CERS6: variants seen among roughly 807,000 people sequenced by gnomAD.
CERS6 encodes ceramide synthase 6.
CERS6 carries 26 observed loss-of-function variants against 56.8 expected under a neutral mutation model. That is an observed-to-expected ratio of 0.46 (90% CI 0.34 to 0.63). The LOEUF is 0.63. CERS6 is among the 30% of genes least tolerant of loss of function. The pLI is 0.01. For synonymous variants in CERS6, 164 were observed against 173.3 expected (o/e 0.95, Z 0.42); for missense variants, 415 against 467.5 (o/e 0.89, Z 1.04).
chr2:168,582,591 C>T (rs561029115), intron 3 of CERS6, among the ~76,000 whole-genome samples: 82 of 152,114 alleles, frequency 5.4e-4, no homozygotes, highest in Admixed American at 9.8e-4. Flanking sequence ...AAAACGCGTG[C>T]TATGCAAACA....
chr2:168,716,919 C>T lies in CERS6; in HGVS notation c.739-953C>T, dbSNP rs1204432070. ...GTCAACAATCTTTTCAAATCTGACT[C>T]AGTTAATTTAAGTTTCCAAGAAGTA... On this transcript the variant is annotated intron_variant, in intron 7 of 9. Coordinates refer to ENST00000305747, the MANE Select transcript of CERS6 (RefSeq NM_203463.3). 5.3e-5 allele frequency among the ~76,000 whole-genome samples: 8 copies of T among 152,170 alleles called. No homozygotes were observed. In the East Asian group the frequency reaches 1.5e-3, roughly 29 times the overall value.
At chr2:168,495,322 G>A (rs1694446390) in intron 1 of CERS6, among the ~76,000 whole-genome samples, 1 of 152,188 alleles carries the variant, frequency 6.6e-6, no homozygotes, top group Non-Finnish European at 1.5e-5. Flanking sequence ...TCAGTCAAAA[G>A]TAAAGTGTTT....
chr2:168,553,637 A>G (rs1695616935), intron 2 of CERS6, among the ~76,000 whole-genome samples: 1 of 152,254 alleles, frequency 6.6e-6, no homozygotes, highest in African/African-American at 2.4e-5. Context: ...ATCTTTGAAC[A>G]TGAAAAAATT....
rs374167480 is a variant in CERS6, at chr2:168,750,708, C to T, written c.846-14884C>T. ...CTATTATAAATAATATTGAAATAAA[C>T]ATCTTCATGGACAAATTTCCTCACG... On this transcript the variant is annotated intron_variant, in intron 8 of 9. Transcript: ENST00000305747. Among the ~76,000 whole-genome samples the T allele has an allele frequency of 1.1e-4, 16 of 152,254 alleles. 1 individual carries two copies. The highest frequency in any genetic ancestry group is 4.6e-4 in the Admixed American group (7 of 15,296).
At chr2:168,602,671 T>A (rs926038855) in intron 3 of CERS6, among the ~76,000 whole-genome samples, 1 of 152,236 alleles carries the variant, frequency 6.6e-6, no homozygotes, top group Non-Finnish European at 1.5e-5. Flanking sequence ...CTTGAATTCA[T>A]TAACCTCATG....
intron 2 of CERS6, among the ~76,000 whole-genome samples, chr2:168,557,469 T>C (rs1695705334): frequency 2.0e-5 from 3 of 152,256 alleles, no homozygotes; most frequent in South Asian, 4.1e-4. Flanking sequence ...GTATAAAGAT[T>C]TCTGAGAAAA....
Position 168,738,979 on chromosome 2 carries a change from G to A in CERS6, c.845+21001G>A, listed in dbSNP as rs143763571. 5.1e-3 allele frequency among the ~76,000 whole-genome samples: 772 copies of A among 151,270 alleles called. 1 individual carries two copies. The highest frequency in any genetic ancestry group is 0.017 in the Middle Eastern group (5 of 294). On this transcript the variant is annotated intron_variant, in intron 8 of 9. Transcript: ENST00000305747. The stretch of plus-strand genomic sequence containing the variant: ...CGGCTAACTGCAACCTCCACCTCCC[G>A]GCTTCAAGCAATTCTTCTGCCTCAG...
At chr2:168,488,152 A>G (rs751411955) in intron 1 of CERS6, among the ~76,000 whole-genome samples, 2 of 151,096 alleles carry the variant, frequency 1.3e-5, no homozygotes, top group Non-Finnish European at 2.9e-5. Flanking sequence ...TGTTTTTAAA[A>G]TAACTGTTGC....
intron 3 of CERS6, among the ~76,000 whole-genome samples, chr2:168,604,390 C>CGTGT (rs57929934): frequency 6.6e-6 from 1 of 150,592 alleles, no homozygotes; most frequent in African/African-American, 2.4e-5. Context: ...CAGTTGTATA[C>CGTGT]GTGTGTGTGT....
intron 1 of CERS6, among the ~76,000 whole-genome samples, chr2:168,528,766 T>C (rs1211489539): frequency 5.3e-5 from 8 of 152,254 alleles, no homozygotes; most frequent in African/African-American, 9.6e-5. Flanking sequence ...CTGTGTGTTC[T>C]AGCAACAGCT....
intron 6 of CERS6, among the ~76,000 whole-genome samples, chr2:168,709,891 A>T (rs914687729): frequency 2.6e-5 from 4 of 152,204 alleles, no homozygotes; most frequent in African/African-American, 9.6e-5. Context: ...GGTAAGGAGG[A>T]TGTTAGTAAC....
At chr2:168,573,107 G>A (rs894561950) in intron 3 of CERS6, among the ~76,000 whole-genome samples, 9 of 152,112 alleles carry the variant, frequency 5.9e-5, no homozygotes, top group Non-Finnish European at 1.3e-4. Flanking sequence ...GAAAAAAGGG[G>A]TGACTGGGGC....
chr2:168,533,343 G>A (rs1470051370), intron 1 of CERS6, among the ~76,000 whole-genome samples: 2 of 151,876 alleles, frequency 1.3e-5, no homozygotes, highest in Non-Finnish European at 2.9e-5. Context: ...GGAATAGATT[G>A]GAATAGTTTG....
chr2:168,692,242 A>G (rs1421846500), intron 5 of CERS6, among the ~76,000 whole-genome samples: 2 of 152,222 alleles, frequency 1.3e-5, no homozygotes, highest in African/African-American at 4.8e-5. Flanking sequence ...TGTAATTCTC[A>G]GGCCCAACTG....
chr2:168,547,491 C>A, intron 1 of CERS6, 105 bp from the exon 2 acceptor site: 1 of 610,580 alleles, frequency 1.6e-6, no homozygotes, highest in Non-Finnish European at 2.8e-6. Flanking sequence ...GAAATCCTAC[C>A]AACACTTTAT....
At chr2:168,749,029 C>T (rs956876896) in intron 8 of CERS6, among the ~76,000 whole-genome samples, 1 of 148,932 alleles carries the variant, frequency 6.7e-6, no homozygotes, top group African/African-American at 2.5e-5. Context: ...CCCCAAAAGA[C>T]AAGGTTTGAG....
intron 4 of CERS6, among the ~76,000 whole-genome samples, chr2:168,662,972 AT>A (rs1685669231): frequency 6.6e-6 from 1 of 152,228 alleles, no homozygotes; most frequent in Non-Finnish European, 1.5e-5. Context: ...TTTTTATCTT[AT>A]CCCAGTCATA....
At chr2:168,667,019 A>G (rs1685778877) in intron 4 of CERS6, among the ~76,000 whole-genome samples, 1 of 152,232 alleles carries the variant, frequency 6.6e-6, no homozygotes, top group South Asian at 2.1e-4. Flanking sequence ...CTCACCAAAA[A>G]TAAGATTTAT....
intron 4 of CERS6, among the ~76,000 whole-genome samples, chr2:168,664,952 A>G (rs1201020100): frequency 1.3e-5 from 2 of 152,184 alleles, no homozygotes; most frequent in African/African-American, 2.4e-5. Context: ...CAGGTCCCTG[A>G]TGACATCATG....
Sources: gnomAD v4.1 joint callset for allele counts (sites outside exome capture counted in the v4.1 genomes callset) on GRCh38, gnomAD v4.1.1 for gene constraint, MANE v1.5 for transcripts, NCBI Gene and HGNC (gene_info 2026-07-23, HGNC 2026-07-21) for gene names.